The following COL28A1 variants were observed in gnomAD, a reference collection of about 807,000 sequenced individuals.
COL28A1 encodes collagen alpha-1(XXVIII) chain.
Under a neutral mutation model 150.2 loss-of-function variants are expected in COL28A1, and 161 were observed. The observed-to-expected ratio is 1.07, with a 90% CI of 0.94 to 1.22. The LOEUF is 1.22. COL28A1 is among the 50% of genes most tolerant of loss of function. The probability of loss-of-function intolerance (pLI) is 0.00; values close to 1 mark genes in which losing one functional copy is unlikely to be tolerated. For missense variants in COL28A1, 1,617 were observed against 1,388.3 expected (o/e 1.16, Z -2.62); for synonymous variants, 552 against 469.7 (o/e 1.18, Z -2.26).
At chr7:7,362,008 C>A (rs1318520918) in intron 33 of COL28A1, among the ~76,000 whole-genome samples, 2 of 152,066 alleles carry the variant, frequency 1.3e-5, no homozygotes, top group Non-Finnish European at 2.9e-5. Context: ...GGGAGGGGAA[C>A]ATCACACAAT....
intron 11 of COL28A1, among the ~76,000 whole-genome samples, chr7:7,501,376 T>C (rs1465375111): frequency 6.6e-6 from 1 of 152,216 alleles, no homozygotes. Context: ...TTGTGCCCTT[T>C]AGGCCTTGAA....
intron 33 of COL28A1, among the ~76,000 whole-genome samples, chr7:7,366,943 ATGTG>A (rs1460470667): frequency 1.3e-5 from 2 of 152,218 alleles, no homozygotes; most frequent in Non-Finnish European, 2.9e-5. Context: ...ATGTTCTTGT[ATGTG>A]TGTATGTATA....
chr7:7,443,444 T>G, intron 20 of COL28A1, 141 bp downstream of exon 20: 1 of 1,300,632 alleles, frequency 7.7e-7, no homozygotes, highest in Non-Finnish European at 1.0e-6. Flanking sequence ...TTCCAAAAGC[T>G]TCCAAGACAG....
At chr7:7,371,161 C>T (rs34877679) in intron 32 of COL28A1, among the ~76,000 whole-genome samples, 4,446 of 152,272 alleles carry the variant, frequency 0.029, 102 homozygotes, top group Non-Finnish European at 0.046. Flanking sequence ...GCTAGCCTCA[C>T]CCATAATAAG....
intron 15 of COL28A1, among the ~76,000 whole-genome samples, chr7:7,471,125 TA>T (rs746981344): frequency 0.11 from 9,812 of 88,510 alleles, 445 homozygotes; most frequent in African/African-American, 0.19. Context: ...AAAAAATAAT[TA>T]AAAAAAAAAA....
intron 33 of COL28A1, among the ~76,000 whole-genome samples, chr7:7,370,481 A>C (rs905108957): frequency 6.6e-6 from 1 of 152,188 alleles, no homozygotes; most frequent in Non-Finnish European, 1.5e-5. Context: ...TATAATATAA[A>C]AATATTATCA....
chr7:7,423,682 G>C (rs1002958145), intron 25 of COL28A1, among the ~76,000 whole-genome samples: 3 of 151,932 alleles, frequency 2.0e-5, no homozygotes, highest in Non-Finnish European at 2.9e-5. Flanking sequence ...GAGAATGTTA[G>C]CTAAAACCTC....
chr7:7,384,864 G>A (rs1782089872), intron 27 of COL28A1, among the ~76,000 whole-genome samples: 1 of 152,154 alleles, frequency 6.6e-6, no homozygotes, highest in Non-Finnish European at 1.5e-5. Context: ...AGAAAAATTT[G>A]TCCTGTTTCC....
chr7:7,417,379 G>C (rs1237003289), intron 27 of COL28A1, among the ~76,000 whole-genome samples: 2 of 150,858 alleles, frequency 1.3e-5, no homozygotes, highest in African/African-American at 4.9e-5. Flanking sequence ...TTCGGATTTC[G>C]TTCCTCTGGG....
rs527919313 is a variant in COL28A1 at position 7,462,686 on chromosome 7, C to T, written c.1303-6574G>A. On this transcript the variant is annotated intron_variant, in intron 15 of 34. Transcript: ENST00000399429. ...CCAGCCTGACCAACATAGAGAAACC[C>T]CGTCTCTACTAAAAATACAAAAATT... 1.6e-4 allele frequency among the ~76,000 whole-genome samples: 24 copies of T among 152,116 alleles called. No individual in the cohort carries two copies. In the East Asian group the frequency reaches 2.3e-3, roughly 15 times the overall value.
At position 7,380,712 on chromosome 7, in the gene COL28A1, G is replaced by T. The variant is rs942665036; in HGVS notation, c.2287-17C>A. 4.3e-6 allele frequency: 7 copies of T among 1,613,496 alleles called. No individual in the cohort carries two copies. In the Admixed American group the frequency reaches 1.2e-4, roughly 27 times the overall value. ...TTGTAAACCCTACTTAGTGGAAGAAGAGTAAAAGTCAATATAGGTTGGAAC... is the reference window on the plus strand; with the variant it reads ...TTGTAAACCCTACTTAGTGGAAGAATAGTAAAAGTCAATATAGGTTGGAAC... On this transcript the variant is annotated splice_polypyrimidine_tract_variant and intron_variant, in intron 29 of 34. Transcript: ENST00000399429.
chr7:7,370,108 C>G (rs552439526), intron 33 of COL28A1, among the ~76,000 whole-genome samples: 1 of 152,286 alleles, frequency 6.6e-6, no homozygotes, highest in East Asian at 1.9e-4. Context: ...TGAGGACAGT[C>G]ACATTTGTTT....
rs571724511 is a variant in COL28A1, at chr7:7,373,811, A to G, written c.2360-265T>C. ...TCCCCTGGGATTCACGCCATTCTCC[A>G]GCCTCAGCCTCCCGAGTAGCTGGGA... On this transcript the variant is annotated intron_variant, in intron 31 of 34. Coordinates refer to ENST00000399429, the MANE Select transcript of COL28A1 (RefSeq NM_001037763.3). This position sits in a 1 kb window ranked among gnomAD's most constrained non-coding sequence, Gnocchi z 4.1. Among the ~76,000 whole-genome samples the G allele has an allele frequency of 2.0e-5, 3 of 150,722 alleles. No homozygotes were observed. In the South Asian group the frequency reaches 6.3e-4, roughly 32 times the overall value.
chr7:7,534,228 G>T (rs1248563573), intron 1 of COL28A1, among the ~76,000 whole-genome samples: 3 of 152,146 alleles, frequency 2.0e-5, no homozygotes, highest in Non-Finnish European at 4.4e-5. Flanking sequence ...ATCTTGTGTA[G>T]CAATTGGCCA....
At chr7:7,369,257 T>C (rs1283435842) in intron 33 of COL28A1, among the ~76,000 whole-genome samples, 1 of 152,142 alleles carries the variant, frequency 6.6e-6, no homozygotes, top group Non-Finnish European at 1.5e-5. Flanking sequence ...TCCATTATTG[T>C]CTGGAATTTA....
At chr7:7,420,129 G>A in intron 25 of COL28A1, 176 bp from the exon 26 acceptor site, 1 of 391,456 alleles carries the variant, frequency 2.6e-6, no homozygotes, top group Non-Finnish European at 4.5e-6. Flanking sequence ...AACAGATCCA[G>A]GTCCATTTCA....
At chr7:7,515,703 T>C (rs1285560941) in intron 8 of COL28A1, 111 bp downstream of exon 8, 1 of 736,130 alleles carries the variant, frequency 1.4e-6, no homozygotes, top group Non-Finnish European at 2.4e-6. Flanking sequence ...AATGAGGGAA[T>C]CCAGACTTAC....
intron 10 of COL28A1, 108 bp downstream of exon 10, chr7:7,507,009 C>G: frequency 1.5e-6 from 1 of 673,992 alleles, no homozygotes; most frequent in African/African-American, 1.8e-5. Context: ...GCTTCAATCC[C>G]CAGACATTCT....
intron 25 of COL28A1, among the ~76,000 whole-genome samples, chr7:7,422,335 G>C: frequency 6.6e-6 from 1 of 152,112 alleles, no homozygotes; most frequent in East Asian, 1.9e-4. Flanking sequence ...AAAAGGTTAG[G>C]AAGGATATGG....
Sources: allele counts gnomAD v4.1 joint callset (sites outside exome capture counted in the v4.1 genomes callset), GRCh38; gene constraint gnomAD v4.1.1; non-coding constraint Gnocchi (gnomAD v3.1); transcripts MANE v1.5; gene names NCBI Gene and HGNC (gene_info 2026-07-23, HGNC 2026-07-21).